The following SCRG1 variants were observed in gnomAD, a reference collection of about 807,000 sequenced individuals.
The protein encoded by SCRG1 is scrapie-responsive protein 1.
A neutral mutation model predicts 7.7 loss-of-function variants in SCRG1; 3 were observed. That is an observed-to-expected ratio of 0.39 (90% CI 0.18 to 1.01). The LOEUF is 1.01. Among genes scored for constraint, SCRG1 ranks in the 50% least tolerant of loss-of-function variants. The probability of loss-of-function intolerance (pLI) is 0.36; values close to 1 mark genes in which losing one functional copy is unlikely to be tolerated. For synonymous variants in SCRG1, 46 were observed against 41.2 expected (o/e 1.12, Z -0.44); for missense variants, 110 against 117.2 (o/e 0.94, Z 0.28).
the SCRG1 span, among the ~76,000 whole-genome samples, chr4:173,484,411 TATAA>T: frequency 4.0e-5 from 3 of 74,200 alleles, no homozygotes; most frequent in African/African-American, 5.7e-5. Flanking sequence ...ATTATATACA[TATAA>T]TATATATTAT....
chr4:173,474,286 A>G, the SCRG1 span, among the ~76,000 whole-genome samples: 1 of 152,226 alleles, frequency 6.6e-6, no homozygotes, highest in African/African-American at 2.4e-5. Flanking sequence ...AATTTTTCCA[A>G]TTGATGGGAA....
At chr4:173,414,156 C>A in the SCRG1 span, among the ~76,000 whole-genome samples, 173 of 152,292 alleles carry the variant, frequency 1.1e-3, 1 homozygote, top group South Asian at 2.1e-3. Flanking sequence ...ACCTGCATGG[C>A]TGAGGGTCAG....
chr4:173,430,193 C>T, the SCRG1 span, among the ~76,000 whole-genome samples: 1 of 152,140 alleles, frequency 6.6e-6, no homozygotes, highest in Admixed American at 6.5e-5. Flanking sequence ...AGGAGACAAA[C>T]TTTTGTGCTT....
chr4:173,455,994 A>G, the SCRG1 span, among the ~76,000 whole-genome samples: 1 of 152,204 alleles, frequency 6.6e-6, no homozygotes, highest in African/African-American at 2.4e-5. Flanking sequence ...GGAAACCACG[A>G]AAAACAGATT....
the SCRG1 span, among the ~76,000 whole-genome samples, chr4:173,478,462 GT>G: frequency 1.3e-5 from 2 of 152,296 alleles, no homozygotes; most frequent in African/African-American, 4.8e-5. Flanking sequence ...GTAGTTTCCA[GT>G]TTTCTAGTGT....
the SCRG1 span, among the ~76,000 whole-genome samples, chr4:173,475,384 G>A: frequency 6.6e-6 from 1 of 152,210 alleles, no homozygotes; most frequent in South Asian, 2.1e-4. Context: ...GCAAGGAGTG[G>A]ACAGTCCTAC....
chr4:173,421,885 T>A, the SCRG1 span, among the ~76,000 whole-genome samples: 1 of 152,184 alleles, frequency 6.6e-6, no homozygotes, highest in Non-Finnish European at 1.5e-5. Context: ...TAGGATTTCT[T>A]TCTTCCTCTC....
chr4:173,485,797 C>T, the SCRG1 span, among the ~76,000 whole-genome samples: 5 of 152,128 alleles, frequency 3.3e-5, 1 homozygote, highest in African/African-American at 7.2e-5. Context: ...TGGTGAAACC[C>T]CGCCTCTACT....
chr4:173,414,995 A>G, the SCRG1 span, among the ~76,000 whole-genome samples: 1 of 152,218 alleles, frequency 6.6e-6, no homozygotes, highest in South Asian at 2.1e-4. Context: ...AACTCTGGAA[A>G]TTATCTACCA....
the SCRG1 span, chr4:173,446,775 A>G: frequency 6.6e-6 from 1 of 152,222 alleles, no homozygotes. Context: ...CTATGCACCA[A>G]AGCAAGACAG....
chr4:173,507,788 G>T, the SCRG1 span, among the ~76,000 whole-genome samples: 6 of 152,324 alleles, frequency 3.9e-5, no homozygotes, highest in South Asian at 1.0e-3. This position sits in a 1 kb window ranked among gnomAD's most constrained non-coding sequence, Gnocchi z 4.4. Context: ...AGGGCTGGCT[G>T]GGTGCATGGA....
chr4:173,510,915 G>A, the SCRG1 span, among the ~76,000 whole-genome samples: 1 of 152,174 alleles, frequency 6.6e-6, no homozygotes, highest in Non-Finnish European at 1.5e-5. The surrounding 1 kb of genome is among the most constrained non-coding windows in gnomAD (Gnocchi z 5.7). Context: ...CTGGGCTGGC[G>A]TAGACAAAGA....
At chr4:173,389,325 G>C (rs1303845303) in intron 2 of SCRG1, among the ~76,000 whole-genome samples, 3 of 152,092 alleles carry the variant, frequency 2.0e-5, no homozygotes, top group Non-Finnish European at 4.4e-5. Flanking sequence ...ACGAGGTCAG[G>C]ATATCGAGAC....
the SCRG1 span, among the ~76,000 whole-genome samples, chr4:173,461,682 C>T: frequency 6.6e-6 from 1 of 152,078 alleles, no homozygotes; most frequent in African/African-American, 2.4e-5. Flanking sequence ...GCATCAACAC[C>T]ATCCAAGAAA....
the SCRG1 span, among the ~76,000 whole-genome samples, chr4:173,518,366 C>CGGAG: frequency 3.9e-5 from 6 of 152,164 alleles, no homozygotes; most frequent in African/African-American, 1.4e-4. Context: ...GCAGGGAACC[C>CGGAG]GGAGCATTTA....
At chr4:173,445,858 G>C in the SCRG1 span, among the ~76,000 whole-genome samples, 2 of 151,758 alleles carry the variant, frequency 1.3e-5, no homozygotes, top group Non-Finnish European at 2.9e-5. Flanking sequence ...TAGAGACGAG[G>C]TTTCACCATG....
chr4:173,504,894 G>C, the SCRG1 span, among the ~76,000 whole-genome samples: 183 of 152,358 alleles, frequency 1.2e-3, no homozygotes, highest in African/African-American at 4.0e-3. The surrounding 1 kb of genome is among the most constrained non-coding windows in gnomAD (Gnocchi z 4.7). Context: ...AACCATGGCA[G>C]AGGATGGTAG....
chr4:173,479,416 C>G, the SCRG1 span, among the ~76,000 whole-genome samples: 1 of 149,002 alleles, frequency 6.7e-6, no homozygotes, highest in Non-Finnish European at 1.5e-5. Flanking sequence ...AAAGCACAAC[C>G]TGTTTTTTTT....
At chr4:173,483,294 A>G in the SCRG1 span, among the ~76,000 whole-genome samples, 1 of 56,714 alleles carries the variant, frequency 1.8e-5, no homozygotes, top group African/African-American at 7.5e-5. Flanking sequence ...GATATATCAT[A>G]TATGATATAT....
Sources: gnomAD v4.1 joint callset for allele counts (sites outside exome capture counted in the v4.1 genomes callset) on GRCh38, gnomAD v4.1.1 for gene constraint, Gnocchi (gnomAD v3.1) non-coding constraint, MANE v1.5 for transcripts, NCBI Gene and HGNC (gene_info 2026-07-23, HGNC 2026-07-21) for gene names.